The following SCPEP1 variants were observed in gnomAD, a reference collection of about 807,000 sequenced individuals.
SCPEP1 encodes the protein retinoid-inducible serine carboxypeptidase.
Under a neutral mutation model 63.8 loss-of-function variants are expected in SCPEP1, and 51 were observed. The observed-to-expected ratio is 0.80, with a 90% CI of 0.64 to 1.01. The LOEUF is 1.01. Ranked by LOEUF, SCPEP1 falls within the 50% of genes least tolerant of loss-of-function variation. The probability of loss-of-function intolerance (pLI) is 0.00; values close to 1 mark genes in which losing one functional copy is unlikely to be tolerated. For synonymous variants in SCPEP1, 204 were observed against 207.8 expected (o/e 0.98, Z 0.16); for missense variants, 499 against 554.9 (o/e 0.90, Z 1.01).
At chr17:56,989,801 G>C (rs1321230640) in intron 5 of SCPEP1, among the ~76,000 whole-genome samples, 1 of 152,146 alleles carries the variant, frequency 6.6e-6, no homozygotes, top group East Asian at 1.9e-4. Context: ...ACAAAAATTA[G>C]CTGGGCATGG....
intron 5 of SCPEP1, among the ~76,000 whole-genome samples, chr17:56,990,599 T>C (rs1477033822): frequency 1.3e-5 from 2 of 152,214 alleles, no homozygotes; most frequent in African/African-American, 4.8e-5. Context: ...TTCTCAACTT[T>C]CTATTTCTGT....
At chr17:56,997,894 C>T (rs1450669695) in intron 9 of SCPEP1, 1 of 156,062 alleles carries the variant, frequency 6.4e-6, no homozygotes, top group Non-Finnish European at 1.4e-5. Context: ...AATAAAGCCT[C>T]TCCACTTTCA....
intron 9 of SCPEP1, among the ~76,000 whole-genome samples, chr17:56,997,557 T>C (rs1044080901): frequency 5.3e-5 from 8 of 152,174 alleles, no homozygotes; most frequent in African/African-American, 1.9e-4. Flanking sequence ...TCTAGATGAT[T>C]CTCTTTGGCC....
At chr17:56,981,975 T>G (rs1802316972) in intron 2 of SCPEP1, among the ~76,000 whole-genome samples, 1 of 152,256 alleles carries the variant, frequency 6.6e-6, no homozygotes, top group Non-Finnish European at 1.5e-5. Context: ...ACAAGCCTTC[T>G]GCACCTTCGT....
intron 8 of SCPEP1, 25 bp downstream of exon 8, chr17:56,995,660 C>A (rs777818869): frequency 6.2e-7 from 1 of 1,610,128 alleles, no homozygotes; most frequent in Admixed American, 1.7e-5. Flanking sequence ...CACTCAGAGG[C>A]GAGCCTGCTT....
At position 56,991,155 on chromosome 17, in the gene SCPEP1, C is replaced by T; in HGVS notation, c.603C>T (p.Ser201=). 1 of 1,613,608 alleles carries T rather than the reference C, an allele frequency of 6.2e-7. No homozygotes were observed. Among genetic ancestry groups the T allele is most frequent in the Non-Finnish European group, 8.5e-7 (1 of 1,179,594 alleles). ...TTGCGGGGGTTGCCTTGGGTGATTC[C>T]TGGATCTCCCCTGTTGGTAAGTGTG... is the stretch of plus-strand genomic sequence containing the variant. The part of the protein sequence containing the change: ...CNFAGVALGD[S]WISPVDSVLS... The change falls in exon 6 of 13, where the codon TCC becomes TCT. Residue 201 remains serine (S), a synonymous_variant. Coordinates refer to ENST00000262288, the MANE Select transcript of SCPEP1 (RefSeq NM_021626.3).
chr17:57,003,060 G>T (rs1911788258), intron 12 of SCPEP1, among the ~76,000 whole-genome samples: 1 of 152,098 alleles, frequency 6.6e-6, no homozygotes, highest in South Asian at 2.1e-4. Context: ...TCAACAGCTG[G>T]CTTGGCCCAG....
chr17:56,995,832 G>A, intron 8 of SCPEP1, 197 bp downstream of exon 8: 2 of 386,234 alleles, frequency 5.2e-6, no homozygotes, highest in Non-Finnish European at 8.8e-6. Context: ...AGCCACCCAG[G>A]CCTGCAAGAC....
chr17:56,998,324 A>G, intron 9 of SCPEP1, 61 bp from the exon 10 acceptor site: 1 of 1,176,568 alleles, frequency 8.5e-7, no homozygotes, highest in Non-Finnish European at 1.2e-6. Flanking sequence ...AAAAAAAAAA[A>G]AGATGTCCTC....
At chr17:56,996,569 T>C (rs1351845296) in intron 8 of SCPEP1, among the ~76,000 whole-genome samples, 2 of 144,582 alleles carry the variant, frequency 1.4e-5, no homozygotes, top group African/African-American at 5.2e-5. Flanking sequence ...ACCCACACTG[T>C]AGTGCAGTGG....
chr17:57,001,652 TC>T (rs35209385), intron 11 of SCPEP1, among the ~76,000 whole-genome samples: 2 of 145,724 alleles, frequency 1.4e-5, no homozygotes, highest in Non-Finnish European at 3.1e-5. Flanking sequence ...TCGATGAACA[TC>T]CCAGGTGATC....
intron 12 of SCPEP1, among the ~76,000 whole-genome samples, chr17:57,005,882 C>A (rs1270078207): frequency 6.6e-6 from 1 of 152,154 alleles, no homozygotes; most frequent in East Asian, 1.9e-4. Flanking sequence ...TTAGCATGAC[C>A]CTTACCAAGA....
intron 12 of SCPEP1, among the ~76,000 whole-genome samples, chr17:57,004,121 C>T (rs1911817885): frequency 6.6e-6 from 1 of 152,178 alleles, no homozygotes. Flanking sequence ...ATCGCTTGAA[C>T]CTGGGAGGCA....
intron 9 of SCPEP1, 38 bp downstream of exon 9, chr17:56,997,093 G>A (rs760090950): frequency 3.2e-6 from 4 of 1,236,946 alleles, no homozygotes; most frequent in Non-Finnish European, 4.5e-6. Context: ...CCCTGCCTCA[G>A]CCTCCATGCA....
chr17:57,001,126 G>A (rs1217850922), intron 11 of SCPEP1, 134 bp downstream of exon 11: 12 of 943,172 alleles, frequency 1.3e-5, no homozygotes, highest in East Asian at 1.2e-4. Flanking sequence ...CATTACATCC[G>A]TCTACCCCGA....
At chr17:56,997,215 C>T in intron 9 of SCPEP1, 160 bp downstream of exon 9, 1 of 485,262 alleles carries the variant, frequency 2.1e-6, no homozygotes, top group South Asian at 4.2e-5. Flanking sequence ...GTTGTGCAGT[C>T]ATCACTACAA....
chr17:56,999,980 C>CT (rs1911689852), intron 10 of SCPEP1, among the ~76,000 whole-genome samples: 1 of 119,042 alleles, frequency 8.4e-6, no homozygotes, highest in Non-Finnish European at 1.7e-5. Context: ...GAAACTCTGT[C>CT]TAAAAAAAAA....
chr17:56,985,292 A>G (rs1911181563), intron 2 of SCPEP1, 86 bp from the exon 3 acceptor site: 5 of 1,039,054 alleles, frequency 4.8e-6, no homozygotes, highest in Admixed American at 1.8e-5. Context: ...TCACTAACTC[A>G]TAAACCATCT....
chr17:56,990,386 T>C (rs927754415), intron 5 of SCPEP1, among the ~76,000 whole-genome samples: 3 of 152,204 alleles, frequency 2.0e-5, no homozygotes, highest in African/African-American at 7.2e-5. Context: ...AGAAACAGCA[T>C]ATGTACATTA....
Sources: gnomAD v4.1 joint callset for allele counts (sites outside exome capture counted in the v4.1 genomes callset) on GRCh38, gnomAD v4.1.1 for gene constraint, MANE v1.5 for transcripts, NCBI Gene and HGNC (gene_info 2026-07-23, HGNC 2026-07-21) for gene names.